The following CADM2 variants were observed in gnomAD, a reference collection of about 807,000 sequenced individuals.
CADM2 encodes immunoglobulin superfamily member 4D.
CADM2 carries 12 observed loss-of-function variants against 49.8 expected under a neutral mutation model. That is an observed-to-expected ratio of 0.24 (90% CI 0.15 to 0.39). CADM2 has a LOEUF of 0.39. Among genes scored for constraint, CADM2 ranks in the 10% least tolerant of loss-of-function variants. The pLI is 1.00. For missense variants in CADM2, 378 were observed against 492.3 expected, an observed-to-expected ratio of 0.77 and a Z score of 2.20; for synonymous variants, 214 against 175.4, an observed-to-expected ratio of 1.22 and a Z score of -1.74.
At chr3:85,294,345 G>A (rs946655275) in intron 1 of CADM2, among the ~76,000 whole-genome samples, 4 of 151,962 alleles carry the variant, frequency 2.6e-5, no homozygotes, top group Admixed American at 6.6e-5. Context: ...AATCAATATC[G>A]TGAAAATGGC....
At chr3:85,733,499 T>C (rs2068016894) in intron 2 of CADM2, among the ~76,000 whole-genome samples, 2 of 152,180 alleles carry the variant, frequency 1.3e-5, no homozygotes, top group Non-Finnish European at 2.9e-5. Context: ...TACAAACTAG[T>C]CTGGGTCACA....
At chr3:85,054,502 T>C (rs1427032046) in intron 1 of CADM2, among the ~76,000 whole-genome samples, 2 of 151,884 alleles carry the variant, frequency 1.3e-5, no homozygotes, top group Non-Finnish European at 2.9e-5. Context: ...AGGTGAGCCA[T>C]GGAATTACCT....
intron 1 of CADM2, among the ~76,000 whole-genome samples, chr3:85,045,771 A>G (rs538184335): frequency 2.0e-5 from 3 of 152,256 alleles, no homozygotes; most frequent in Admixed American, 2.0e-4. Flanking sequence ...ATGTAAGCAG[A>G]TATGTGATAT....
At chr3:86,029,698 C>T (rs936387079) in intron 8 of CADM2, among the ~76,000 whole-genome samples, 2 of 151,986 alleles carry the variant, frequency 1.3e-5, no homozygotes, top group African/African-American at 2.4e-5. Context: ...ATTTCTGGCT[C>T]CTACATTACA....
intron 1 of CADM2, among the ~76,000 whole-genome samples, chr3:85,488,979 AT>A (rs1288966723): frequency 5.3e-5 from 8 of 151,978 alleles, no homozygotes; most frequent in African/African-American, 1.9e-4. Context: ...TACTAAAATT[AT>A]TTTTTCCATA....
At chr3:85,890,325 T>C (rs562419772) in intron 5 of CADM2, among the ~76,000 whole-genome samples, 75 of 152,228 alleles carry the variant, frequency 4.9e-4, no homozygotes, top group African/African-American at 1.7e-3. Context: ...AATTATGCAC[T>C]TGTCTCTCAC....
chr3:85,234,909 A>C (rs1315351021), intron 1 of CADM2, among the ~76,000 whole-genome samples: 1 of 152,132 alleles, frequency 6.6e-6, no homozygotes, highest in East Asian at 1.9e-4. Context: ...TTAACACAAA[A>C]GCTGCTATGA....
intron 1 of CADM2, among the ~76,000 whole-genome samples, chr3:85,132,940 T>C (rs2039281732): frequency 6.6e-6 from 1 of 152,090 alleles, no homozygotes; most frequent in Non-Finnish European, 1.5e-5. Context: ...GTCTGGAGTT[T>C]GTTCCTTCTG....
Position 86,066,696 on chromosome 3 carries a change from T to G in CADM2, c.1128T>G (p.Ala376=). 6.2e-7 allele frequency: 1 copy of G among 1,613,926 alleles called. No homozygotes were observed. Among genetic ancestry groups the G allele is most frequent in the Non-Finnish European group, 8.5e-7 (1 of 1,179,816 alleles). Residue 376 remains alanine, a synonymous_variant, in exon 10 of 10, where the codon GCT becomes GCG. Coordinates refer to ENST00000383699, the MANE Select transcript of CADM2 (RefSeq NM_001167675.2). ...GTYLTNEAKG[A]EDAPDADTAI... is the part of the protein sequence containing the mutation. ...ATTTAACAAATGAAGCTAAAGGAGC[T>G]GAAGATGCACCAGATGCTGATACAG...
chr3:85,097,847 A>G (rs2037860666), intron 1 of CADM2, among the ~76,000 whole-genome samples: 1 of 152,290 alleles, frequency 6.6e-6, no homozygotes, highest in East Asian at 1.9e-4. Flanking sequence ...TATCATTCAC[A>G]TAAGCCCCTA....
intron 1 of CADM2, among the ~76,000 whole-genome samples, chr3:85,186,465 C>A (rs558322301): frequency 1.3e-5 from 2 of 152,132 alleles, no homozygotes; most frequent in East Asian, 3.9e-4. Context: ...CTTGTAGATA[C>A]ATTTTAACCT....
intron 1 of CADM2, among the ~76,000 whole-genome samples, chr3:85,635,016 C>A (rs374978956): frequency 2.6e-4 from 39 of 151,988 alleles, no homozygotes; most frequent in African/African-American, 8.0e-4. Flanking sequence ...GCTGTTAAAC[C>A]AAATTATTTG....
intron 1 of CADM2, among the ~76,000 whole-genome samples, chr3:85,034,635 T>G (rs997240267): frequency 6.6e-6 from 1 of 152,076 alleles, no homozygotes; most frequent in Admixed American, 6.5e-5. Context: ...GATAGTATGA[T>G]AGCTCTATTT....
intron 3 of CADM2, among the ~76,000 whole-genome samples, chr3:85,813,523 G>T (rs1218160291): frequency 1.3e-5 from 2 of 152,106 alleles, no homozygotes; most frequent in Admixed American, 6.6e-5. Context: ...CTTTTGCTGT[G>T]CAGAAGTTCT....
intron 1 of CADM2, among the ~76,000 whole-genome samples, chr3:85,437,674 T>C (rs1208055955): frequency 6.6e-6 from 1 of 151,988 alleles, no homozygotes; most frequent in African/African-American, 2.4e-5. Context: ...ATAAGTATCA[T>C]TATTTAAATA....
intron 1 of CADM2, among the ~76,000 whole-genome samples, chr3:85,026,970 C>T (rs557793393): frequency 5.8e-4 from 88 of 152,008 alleles, no homozygotes; most frequent in African/African-American, 2.1e-3. Flanking sequence ...AGACTAACGA[C>T]AGCTAGGCAT....
rs760645466 is a variant in CADM2 at position 85,582,479 on chromosome 3, A to G, written c.62-144043A>G. The stretch of plus-strand genomic sequence containing the variant: ...TTAGTTAGCGCAGGCTGCCATAACT[A>G]AATAAATGTTGATGCCTTCAACAAC... On this transcript the variant is annotated intron_variant, in intron 1 of 9. Coordinates refer to ENST00000383699, the MANE Select transcript of CADM2 (RefSeq NM_001167675.2). Among the ~76,000 whole-genome samples, 20 of 152,312 alleles carry G rather than the reference A, an allele frequency of 1.3e-4. No individual in the cohort carries two copies. In the South Asian group the frequency reaches 2.9e-3, roughly 22 times the overall value.
At chr3:86,005,912 C>T (rs896794816) in intron 8 of CADM2, among the ~76,000 whole-genome samples, 8 of 152,218 alleles carry the variant, frequency 5.3e-5, no homozygotes, top group African/African-American at 1.9e-4. Flanking sequence ...TACTCTCTAT[C>T]TCCATGAGTT....
intron 8 of CADM2, among the ~76,000 whole-genome samples, chr3:86,008,469 A>T (rs957614264): frequency 7.2e-5 from 11 of 152,138 alleles, no homozygotes; most frequent in Non-Finnish European, 1.5e-4. Flanking sequence ...TTATCAAAAC[A>T]TTTTATGTGC....
Sources: gnomAD v4.1 joint callset for allele counts (sites outside exome capture counted in the v4.1 genomes callset) on GRCh38, gnomAD v4.1.1 for gene constraint, MANE v1.5 for transcripts, NCBI Gene and HGNC (gene_info 2026-07-23, HGNC 2026-07-21) for gene names.